TMEM116: variants seen among roughly 807,000 people sequenced by gnomAD.
TMEM116 encodes the protein transmembrane protein 116.
In TMEM116, 38 loss-of-function variants were observed where a neutral mutation model predicts 44.3. The ratio of observed to expected loss-of-function variants is 0.86; its 90% confidence interval spans 0.66 to 1.12. The LOEUF is 1.12. TMEM116 is among the 50% of genes most tolerant of loss of function. TMEM116 has a pLI of 0.00. For missense variants in TMEM116, 354 were observed against 401.7 expected (o/e 0.88, Z 1.01); for synonymous variants, 132 against 144.8 (o/e 0.91, Z 0.64).
At chr12:112,003,356 C>G (rs1223625500) in intron 3 of TMEM116, among the ~76,000 whole-genome samples, 2 of 152,156 alleles carry the variant, frequency 1.3e-5, no homozygotes, top group Non-Finnish European at 1.5e-5. Flanking sequence ...ATCATGAGAT[C>G]AGGAGATCGA....
intron 4 of TMEM116, among the ~76,000 whole-genome samples, chr12:111,960,609 C>G (rs1372565463): frequency 6.6e-6 from 1 of 150,720 alleles, no homozygotes; most frequent in Non-Finnish European, 1.5e-5. Context: ...GGAAGCAATA[C>G]GTAAGTTCTT....
chr12:112,009,701 C>T (rs1346073135), intron 1 of TMEM116, among the ~76,000 whole-genome samples: 1 of 151,238 alleles, frequency 6.6e-6, no homozygotes, highest in Non-Finnish European at 1.5e-5. Flanking sequence ...AAAAAATTAG[C>T]CAGGTGTGGT....
At position 112,003,788 on chromosome 12, in the gene TMEM116, G is replaced by GA. The variant is rs1478116695; in HGVS notation, c.78+11dup. The GA allele has an allele frequency of 2.0e-6, 3 of 1,508,598 alleles. No individual in the cohort carries two copies. The Admixed American group carries it at 7.0e-5, about 35-fold the overall frequency. The allele number at this position is 1,508,598 out of a possible 1,614,324, so 93.5% of individuals were successfully genotyped here. A position where few individuals can be genotyped will look rare whatever the true frequency, so the allele number is the denominator to read the frequency against. ...AAAAAGTTCAAATCCAACACAAAGA[G>GA]AAATCACTCACCTCTGGAGATTTCT... On this transcript the variant is annotated intron_variant, in intron 3 of 10. Transcript: ENST00000552374.
intron 3 of TMEM116, among the ~76,000 whole-genome samples, chr12:112,002,958 T>C (rs925793980): frequency 6.6e-6 from 1 of 152,346 alleles, no homozygotes; most frequent in East Asian, 1.9e-4. Flanking sequence ...AATACATCAC[T>C]CTCCCTAGTA....
chr12:111,960,195 C>T (rs548953756), intron 4 of TMEM116, among the ~76,000 whole-genome samples: 1 of 152,078 alleles, frequency 6.6e-6, no homozygotes, highest in African/African-American at 2.4e-5. Flanking sequence ...GATTAAGAAA[C>T]TCACTCAGAA....
At chr12:111,936,900 T>G (rs1310415040) in intron 7 of TMEM116, 70 bp from the exon 8 acceptor site, 1 of 1,471,234 alleles carries the variant, frequency 6.8e-7, no homozygotes, top group African/African-American at 1.4e-5. Flanking sequence ...CAAGACTTAA[T>G]AAGCATGTTA....
At chr12:111,937,840 C>G (rs1316259755) in intron 6 of TMEM116, among the ~76,000 whole-genome samples, 2 of 152,068 alleles carry the variant, frequency 1.3e-5, no homozygotes, top group Admixed American at 1.3e-4. Context: ...TAGATGATAT[C>G]CTGAAGGCCA....
chr12:112,003,886 G>C (rs1021566465), intron 2 of TMEM116, 23 bp from the exon 3 acceptor site: 1 of 1,484,742 alleles, frequency 6.7e-7, no homozygotes, highest in Non-Finnish European at 8.9e-7. Context: ...GAAGATGATT[G>C]ATCATTAAAG....
chr12:111,998,635 A>G (rs1206574246), intron 3 of TMEM116, among the ~76,000 whole-genome samples: 3 of 152,152 alleles, frequency 2.0e-5, no homozygotes, highest in African/African-American at 7.2e-5. Flanking sequence ...CCTGACCAAT[A>G]TGGTGAAACC....
At chr12:111,966,734 T>C (rs1322700692) in intron 4 of TMEM116, among the ~76,000 whole-genome samples, 2 of 152,218 alleles carry the variant, frequency 1.3e-5, no homozygotes, top group Middle Eastern at 3.2e-3. Context: ...TCTCTTCTCA[T>C]AGCCTCTCTT....
chr12:111,956,529 C>T (rs1053540930), intron 4 of TMEM116, among the ~76,000 whole-genome samples: 38 of 152,254 alleles, frequency 2.5e-4, no homozygotes, highest in African/African-American at 8.9e-4. Context: ...GCATGGTCCT[C>T]GTCTCCCCTT....
intron 4 of TMEM116, among the ~76,000 whole-genome samples, chr12:111,959,560 T>C (rs2074419978): frequency 6.6e-6 from 1 of 152,148 alleles, no homozygotes; most frequent in Non-Finnish European, 1.5e-5. Context: ...GCAAATTGGA[T>C]AAAGAGTCAA....
At chr12:111,988,758 G>A (rs1001957871) in intron 4 of TMEM116, among the ~76,000 whole-genome samples, 42 of 151,982 alleles carry the variant, frequency 2.8e-4, no homozygotes, top group African/African-American at 9.9e-4. Context: ...TTGGGAGGCC[G>A]AGGTGGGTGG....
chr12:111,940,504 T>C (rs1179393160), intron 5 of TMEM116, among the ~76,000 whole-genome samples: 66 of 110,280 alleles, frequency 6.0e-4, no homozygotes, highest in Middle Eastern at 5.1e-3. Context: ...CACACATATA[T>C]ATACACACAT....
At chr12:112,010,747 G>C (rs1565982658) in intron 1 of TMEM116, 4 of 152,258 alleles carry the variant, frequency 2.6e-5, no homozygotes, top group African/African-American at 7.2e-5. Context: ...TAGGCTTGTT[G>C]ACCCATAGGT....
chr12:111,936,961 C>T, intron 7 of TMEM116, 131 bp from the exon 8 acceptor site: 2 of 1,062,194 alleles, frequency 1.9e-6, no homozygotes, highest in Non-Finnish European at 2.7e-6. Context: ...GTCTCTCCCC[C>T]ACAGACACAT....
intron 2 of TMEM116, 104 bp from the exon 3 acceptor site, chr12:112,003,967 A>T: frequency 7.3e-7 from 1 of 1,375,336 alleles, no homozygotes; most frequent in Non-Finnish European, 9.3e-7. Flanking sequence ...GGCATAATTG[A>T]TATAAAATAA....
intron 4 of TMEM116, among the ~76,000 whole-genome samples, chr12:111,990,345 G>C (rs1223685832): frequency 6.6e-6 from 1 of 151,834 alleles, no homozygotes; most frequent in Admixed American, 6.6e-5. Flanking sequence ...GGAGATTGAA[G>C]TTCAGAAAGA....
chr12:111,951,380 A>G (rs2073717410), intron 4 of TMEM116, among the ~76,000 whole-genome samples: 1 of 152,262 alleles, frequency 6.6e-6, no homozygotes, highest in South Asian at 2.1e-4. Flanking sequence ...CGTTTGCTGC[A>G]GCACTATTCA....
Sources: gnomAD v4.1 joint callset for allele counts (sites outside exome capture counted in the v4.1 genomes callset) on GRCh38, gnomAD v4.1.1 for gene constraint, MANE v1.5 for transcripts, NCBI Gene and HGNC (gene_info 2026-07-23, HGNC 2026-07-21) for gene names.